Variants in CNTLN observed in about 807,000 individuals in gnomAD.
The protein encoded by CNTLN is centlein, centrosomal protein.
CNTLN carries 212 observed loss-of-function variants against 180.0 expected under a neutral mutation model. The ratio of observed to expected loss-of-function variants is 1.18; its 90% CI spans 1.05 to 1.32. The LOEUF (loss-of-function observed/expected upper bound fraction) is 1.32. Ranked by LOEUF, CNTLN falls within the 40% of genes most tolerant of loss-of-function variation. The pLI is 0.00. For missense variants in CNTLN, 2,095 were observed against 1,610.9 expected, an observed-to-expected ratio of 1.30 and a Z score of -5.14; for synonymous variants, 722 against 563.1, an observed-to-expected ratio of 1.28 and a Z score of -3.99.
At chr9:17,152,534 T>A (rs112004382) in intron 2 of CNTLN, among the ~76,000 whole-genome samples, 3,265 of 152,150 alleles carry the variant, frequency 0.021, 81 homozygotes, top group African/African-American at 0.059. Context: ...ACTGTTTATT[T>A]TGATTTCTGT....
In CNTLN at chr9:17,262,464, C is replaced by A. The variant is rs1827066952; in HGVS notation, c.850-11269C>A. Among the ~76,000 whole-genome samples, 3 of 151,408 alleles carry A rather than the reference C, an allele frequency of 2.0e-5. 1 individual carries two copies. Among genetic ancestry groups the A allele is most frequent in the African/African-American group, 7.4e-5 (3 of 40,764 alleles). On this transcript the variant is annotated intron_variant, in intron 5 of 25. Transcript: ENST00000380647. ...GATGGAAGCTATCATCCTCAGCAAA[C>A]TAACACAGGAACAGAAAACCAGCAC...
intron 6 of CNTLN, among the ~76,000 whole-genome samples, chr9:17,283,023 A>C (rs1458459778): frequency 6.6e-6 from 1 of 152,132 alleles, no homozygotes; most frequent in African/African-American, 2.4e-5. Context: ...CGGTAGTGTA[A>C]TGCCACTGGC....
chr9:17,164,747 A>G (rs1302309029), intron 2 of CNTLN, among the ~76,000 whole-genome samples: 2 of 150,838 alleles, frequency 1.3e-5, no homozygotes, highest in African/African-American at 2.4e-5. Flanking sequence ...GTGCCCAGCC[A>G]AGAACTCCTT....
chr9:17,441,788 T>C (rs1276064641), intron 18 of CNTLN, among the ~76,000 whole-genome samples: 1 of 152,094 alleles, frequency 6.6e-6, no homozygotes, highest in African/African-American at 2.4e-5. Flanking sequence ...AATTCAGCTA[T>C]ATCCTGTCTC....
At chr9:17,294,645 A>G (rs1037663692) in intron 6 of CNTLN, among the ~76,000 whole-genome samples, 15 of 149,224 alleles carry the variant, frequency 1.0e-4, no homozygotes, top group Non-Finnish European at 2.1e-4. Context: ...CAGGGGCCAC[A>G]GGTGGAGCTG....
At chr9:17,265,604 G>C (rs570066676) in intron 5 of CNTLN, among the ~76,000 whole-genome samples, 1 of 152,274 alleles carries the variant, frequency 6.6e-6, no homozygotes, top group East Asian at 1.9e-4. Context: ...AATAGTTTCA[G>C]ATGGAGTGGT....
At chr9:17,401,365 T>C (rs1826958704) in intron 15 of CNTLN, among the ~76,000 whole-genome samples, 1 of 151,896 alleles carries the variant, frequency 6.6e-6, no homozygotes, top group Non-Finnish European at 1.5e-5. Context: ...TAAAGCAAAA[T>C]CCATATAGAG....
chr9:17,229,856 C>A (rs879811572), intron 3 of CNTLN, among the ~76,000 whole-genome samples: 1 of 152,038 alleles, frequency 6.6e-6, no homozygotes. Context: ...CTCCACTGTT[C>A]GCTGTGGTAT....
intron 15 of CNTLN, among the ~76,000 whole-genome samples, chr9:17,407,148 T>C (rs1238338053): frequency 6.6e-6 from 1 of 152,188 alleles, no homozygotes; most frequent in Non-Finnish European, 1.5e-5. Context: ...TGTTGGTATT[T>C]TGAAGGAGAA....
chr9:17,293,771 G>C (rs1817582945), intron 6 of CNTLN, among the ~76,000 whole-genome samples: 1 of 152,174 alleles, frequency 6.6e-6, no homozygotes, highest in Non-Finnish European at 1.5e-5. Flanking sequence ...GTAGTCGTAG[G>C]TAGTCACCAG....
chr9:17,287,301 G>A (rs1365108032), intron 6 of CNTLN, among the ~76,000 whole-genome samples: 2 of 149,502 alleles, frequency 1.3e-5, no homozygotes, highest in Non-Finnish European at 3.0e-5. Flanking sequence ...TTATATGCTG[G>A]ATTACATTTA....
At chr9:17,400,628 T>C (rs1431751893) in intron 15 of CNTLN, among the ~76,000 whole-genome samples, 2 of 152,214 alleles carry the variant, frequency 1.3e-5, no homozygotes, top group African/African-American at 4.8e-5. Flanking sequence ...AGATACGTTG[T>C]GAGAAAGAAA....
chr9:17,379,691 A>C (rs1825068386), intron 13 of CNTLN, among the ~76,000 whole-genome samples: 1 of 152,160 alleles, frequency 6.6e-6, no homozygotes, highest in Non-Finnish European at 1.5e-5. Context: ...TTTTCTTCTT[A>C]TTGAACATGT....
At chr9:17,197,202 G>A (rs1355223642) in intron 2 of CNTLN, among the ~76,000 whole-genome samples, 3 of 152,062 alleles carry the variant, frequency 2.0e-5, no homozygotes, top group Non-Finnish European at 4.4e-5. Flanking sequence ...TGGAAAATGG[G>A]GTATTTATAG....
intron 16 of CNTLN, among the ~76,000 whole-genome samples, chr9:17,413,646 A>G (rs1828019150): frequency 6.6e-6 from 1 of 152,196 alleles, no homozygotes; most frequent in African/African-American, 2.4e-5. Flanking sequence ...ACGGATGGCA[A>G]ATAAGCACAT....
intron 2 of CNTLN, among the ~76,000 whole-genome samples, chr9:17,176,373 A>T (rs1212627311): frequency 6.6e-6 from 1 of 151,990 alleles, no homozygotes; most frequent in African/African-American, 2.4e-5. Context: ...TCTTCTTCAG[A>T]CTGTTGATAT....
chr9:17,338,167 TTC>T (rs1821184391), intron 10 of CNTLN, among the ~76,000 whole-genome samples: 2 of 150,288 alleles, frequency 1.3e-5, no homozygotes, highest in African/African-American at 4.9e-5. Flanking sequence ...TTCTTTTTCT[TTC>T]TTTTTTTTTT....
intron 7 of CNTLN, 64 bp downstream of exon 7, chr9:17,298,416 A>T: frequency 1.5e-6 from 2 of 1,347,390 alleles, no homozygotes; most frequent in Non-Finnish European, 9.6e-7. Context: ...CATATATAGA[A>T]TTCAGATTTT....
Position 17,500,086 on chromosome 9 carries a change from C to T in CNTLN, c.4120-2465C>T, listed in dbSNP as rs76261892. On this transcript the variant is annotated intron_variant, in intron 25 of 25. Coordinates refer to ENST00000380647, the MANE Select transcript of CNTLN (RefSeq NM_017738.4). ...TGCAAGGGCAGTAGATGTACACATACTCTGCATTTTGATTTAAGGATTGAC... is the reference window on the plus strand; with the variant it reads ...TGCAAGGGCAGTAGATGTACACATATTCTGCATTTTGATTTAAGGATTGAC... Among the ~76,000 whole-genome samples the T allele has an allele frequency of 5.4e-3, 820 of 152,226 alleles. 11 individuals are homozygous for T. The highest frequency in any genetic ancestry group is 4.2e-3 in the Non-Finnish European group (284 of 68,000).
Sources: gnomAD v4.1 joint callset for allele counts (sites outside exome capture counted in the v4.1 genomes callset) on GRCh38, gnomAD v4.1.1 for gene constraint, MANE v1.5 for transcripts, NCBI Gene and HGNC (gene_info 2026-07-23, HGNC 2026-07-21) for gene names.